CCNB3: variants seen among roughly 807,000 people sequenced by gnomAD.
The protein encoded by CCNB3 is G2/mitotic-specific cyclin-B3.
A neutral mutation model predicts 68.0 loss-of-function variants in CCNB3; 12 were observed. The observed-to-expected ratio is 0.18, with a 90% CI of 0.11 to 0.29. The LOEUF (loss-of-function observed/expected upper bound fraction) is 0.29. Ranked by LOEUF, CCNB3 falls within the 10% of genes least tolerant of loss-of-function variation. CCNB3 has a pLI of 1.00. For missense variants in CCNB3, 904 were observed against 993.1 expected, an observed-to-expected ratio of 0.91 and a Z score of 1.21; for synonymous variants, 354 against 388.9, an observed-to-expected ratio of 0.91 and a Z score of 1.06.
At chrX:50,279,423 AAT>A (rs1195570796) in intron 1 of CCNB3, among the ~76,000 whole-genome samples, 165 of 76,156 alleles carry the variant, frequency 2.2e-3, no homozygotes, top group African/African-American at 8.5e-3. Flanking sequence ...TAAATATATA[AAT>A]ATATATAAAT....
intron 1 of CCNB3, among the ~76,000 whole-genome samples, chrX:50,218,150 A>C (rs1259223799): frequency 8.9e-6 from 1 of 112,132 alleles, no homozygotes; most frequent in Non-Finnish European, 1.9e-5. Context: ...TTGTTGTTTT[A>C]ATCTGCATTT....
rs1369569703 is a variant in CCNB3, at chrX:50,311,581, T to G, written c.3327+85T>G. 39 of 732,971 alleles carry G rather than the reference T, an allele frequency of 5.3e-5. No homozygotes were observed. The Admixed American group carries it at 1.1e-3, about 21-fold the overall frequency. The allele number at this position is 732,971 out of a possible 1,213,427, so 60.4% of individuals were successfully genotyped here. ...CTGCTAGCAAAGTTGTTTTTTTTTT[T>G]TTGTTTTTGTTTTTTGTTGTTGTTG... On this transcript the variant is annotated intron_variant, in intron 6 of 12. Transcript: ENST00000376042.
intron 4 of CCNB3, among the ~76,000 whole-genome samples, chrX:50,292,416 G>A (rs184381183): frequency 2.7e-5 from 3 of 110,454 alleles, no homozygotes; most frequent in Non-Finnish European, 5.7e-5. Context: ...TTTGTCTAAT[G>A]TTTGCTTGTG....
chrX:50,305,358 A>G (rs1233079524), intron 5 of CCNB3, among the ~76,000 whole-genome samples: 1 of 111,582 alleles, frequency 9.0e-6, no homozygotes, highest in East Asian at 2.8e-4. Context: ...CTTTGTAGGG[A>G]CATGGATGAA....
intron 5 of CCNB3, among the ~76,000 whole-genome samples, chrX:50,296,304 G>T: frequency 2.5e-5 from 2 of 79,336 alleles, no homozygotes; most frequent in East Asian, 4.1e-4. Flanking sequence ...ACAGTCCCCA[G>T]TGTGTGATGT....
intron 8 of CCNB3, among the ~76,000 whole-genome samples, chrX:50,324,713 A>G (rs1557217076): frequency 9.0e-6 from 1 of 111,535 alleles, no homozygotes; most frequent in East Asian, 2.8e-4. Flanking sequence ...GTCTGTTTTA[A>G]TTATTCTTGA....
intron 8 of CCNB3, among the ~76,000 whole-genome samples, chrX:50,321,680 G>C (rs1922026110): frequency 9.0e-6 from 1 of 111,006 alleles, no homozygotes; most frequent in Admixed American, 9.6e-5. Flanking sequence ...GTAGCATGCT[G>C]TTTTATTATT....
intron 8 of CCNB3, among the ~76,000 whole-genome samples, chrX:50,341,546 AT>A (rs1476691811): frequency 2.7e-5 from 3 of 109,203 alleles, no homozygotes; most frequent in South Asian, 3.9e-4. Context: ...AAAAAAAAAA[AT>A]ACAAAAGATA....
At position 50,312,575 on chromosome X, in the gene CCNB3, T is replaced by C. The variant is rs1557215217; in HGVS notation, c.3366T>C (p.Asp1122=). 64 of 1,208,272 alleles carry C rather than the reference T, an allele frequency of 5.3e-5. No homozygotes were observed. The highest frequency in any genetic ancestry group is 7.2e-5 in the Non-Finnish European group (64 of 893,335). ...AAGATATTGATGAGGACAGCAGTGA[T>C]CCAAGTTTCAACCCAATGTATGCCA... The part of the protein sequence containing the change: ...PREDIDEDSS[D]PSFNPMYAKE... The change falls in exon 7 of 13, where the codon GAT becomes GAC. Residue 1122 remains aspartate (D), a synonymous_variant. Transcript: ENST00000376042.
At chrX:50,211,077 A>G (rs1935474700) in intron 1 of CCNB3, among the ~76,000 whole-genome samples, 1 of 110,621 alleles carries the variant, frequency 9.0e-6, no homozygotes, top group Admixed American at 9.7e-5. Context: ...AGCCTGGCCA[A>G]TATGGCAATA....
At chrX:50,226,914 A>G (rs1214077984) in intron 1 of CCNB3, among the ~76,000 whole-genome samples, 1 of 68,772 alleles carries the variant, frequency 1.5e-5, no homozygotes, top group Non-Finnish European at 2.3e-5. Flanking sequence ...AATATATAGT[A>G]TATATATAGA....
chrX:50,302,529 A>G (rs924621425), intron 5 of CCNB3, among the ~76,000 whole-genome samples: 38 of 112,030 alleles, frequency 3.4e-4, no homozygotes, highest in African/African-American at 1.2e-3. Flanking sequence ...GGTATTTAGT[A>G]TATTCACAGT....
At position 50,310,557 on chromosome X, in the gene CCNB3, C is replaced by T. The variant is rs202073708; in HGVS notation, c.2388C>T (p.Thr796=). Residue 796 remains threonine, a synonymous_variant, in exon 6 of 13, where the codon ACC becomes ACT. Transcript: ENST00000376042. ...EGYPSIAEGE[T]LFKKLLAMQE... ...ATCCCAGCATTGCGGAGGGGGAGAC[C>T]CTCTTCAAGAAGCTTTTGGCCATGC... The T allele has an allele frequency of 8.3e-7, 1 of 1,210,150 alleles. No homozygotes were observed. The highest frequency in any genetic ancestry group is 1.7e-5 in the African/African-American group (1 of 57,397).
rs1557209726 is a variant in CCNB3, at chrX:50,288,853, T to C, written c.170T>C (p.Leu57Pro). Residue 57 changes from leucine (L) to proline (P), a missense_variant, in exon 4 of 13, where the codon CTC (leucine) becomes CCC (proline). By Grantham distance (98) the Leu-to-Pro change is moderately conservative. Around this residue, in one of 2 missense-constraint regions of CCNB3, gnomAD observed 619 missense variants for 609.8 expected, o/e 1.02. Coordinates refer to ENST00000376042, the MANE Select transcript of CCNB3 (RefSeq NM_033031.3). ...QESPSSLQGA[L>P]KKRSAFEDLT... is the part of the protein sequence containing the mutation. ...TCTCCATCTTCACTTCAGGGAGCAC[T>C]CAAAAAGAGATCAGCTTTTGAAGAT... is the stretch of plus-strand genomic sequence containing the variant. The C allele has an allele frequency of 1.7e-6, 2 of 1,202,056 alleles. No individual in the cohort carries two copies. The highest frequency in any genetic ancestry group is 5.9e-5 in the East Asian group (2 of 33,707).
intron 8 of CCNB3, among the ~76,000 whole-genome samples, chrX:50,335,130 A>G (rs1358552752): frequency 2.7e-5 from 3 of 111,799 alleles, no homozygotes; most frequent in Non-Finnish European, 5.6e-5. Flanking sequence ...GGTCTTTAGC[A>G]GGAAACTTTT....
Position 50,328,840 on chromosome X carries a change from C to T in CCNB3, c.3517-13362C>T, listed in dbSNP as rs782466351. 3.6e-5 allele frequency among the ~76,000 whole-genome samples: 4 copies of T among 112,536 alleles called. No individual in the cohort carries two copies. The South Asian group carries it at 1.5e-3, about 41-fold the overall frequency. On this transcript the variant is annotated intron_variant, in intron 8 of 12. Transcript: ENST00000376042. ...GGTACAGGTATTGGGTAAATACTCC[C>T]ATTCCAAAAGGGAGAATGAACGAAA... is the stretch of plus-strand genomic sequence containing the variant.
intron 5 of CCNB3, among the ~76,000 whole-genome samples, chrX:50,301,832 G>T (rs782027334): frequency 1.8e-5 from 2 of 112,807 alleles, no homozygotes; most frequent in East Asian, 5.6e-4. Context: ...CCTGGGCAAT[G>T]GCAGGTGCCC....
At chrX:50,286,681 T>A (rs1936244775) in intron 3 of CCNB3, among the ~76,000 whole-genome samples, 1 of 103,808 alleles carries the variant, frequency 9.6e-6, no homozygotes, top group African/African-American at 3.5e-5. Context: ...GACGTAGTCT[T>A]GCTCTGTCAC....
chrX:50,342,661 G>T (rs1923199264), intron 9 of CCNB3, among the ~76,000 whole-genome samples: 1 of 111,127 alleles, frequency 9.0e-6, no homozygotes, highest in Non-Finnish European at 1.9e-5. Context: ...GCTTGATAAT[G>T]ATATAAACTG....
Sources: allele counts gnomAD v4.1 joint callset (sites outside exome capture counted in the v4.1 genomes callset), GRCh38; gene constraint gnomAD v4.1.1; regional missense constraint gnomAD v4.1.1; transcripts MANE v1.5; gene names NCBI Gene and HGNC (gene_info 2026-07-23, HGNC 2026-07-21).